Variants in MED13L observed in about 807,000 individuals in gnomAD.
MED13L encodes the protein mediator complex subunit 13L.
Under a neutral mutation model 220.9 loss-of-function variants are expected in MED13L, and 7 were observed. The ratio of observed to expected loss-of-function variants is 0.03; its 90% confidence interval spans 0.02 to 0.06. The LOEUF (loss-of-function observed/expected upper bound fraction) is 0.06. Ranked by LOEUF, MED13L falls within the 10% of genes least tolerant of loss-of-function variation. The pLI is 1.00. For missense variants in MED13L, 1,965 were observed against 2,760.5 expected (o/e 0.71, Z 6.46); for synonymous variants, 1,011 against 1,015.2 (o/e 1.00, Z 0.08).
chr12:116,258,539 G>A (rs972038889), intron 1 of MED13L, among the ~76,000 whole-genome samples: 3 of 152,142 alleles, frequency 2.0e-5, no homozygotes, highest in Non-Finnish European at 2.9e-5. Context: ...CACTTTGGGA[G>A]GCCGAGGTGG....
At chr12:116,183,674 A>C (rs555165164) in intron 2 of MED13L, among the ~76,000 whole-genome samples, 39 of 152,274 alleles carry the variant, frequency 2.6e-4, no homozygotes, top group African/African-American at 8.7e-4. Flanking sequence ...CATGCTCACA[A>C]TATCTGTTTA....
chr12:116,216,953 A>G (rs1230322176), intron 2 of MED13L, among the ~76,000 whole-genome samples: 1 of 152,264 alleles, frequency 6.6e-6, no homozygotes, highest in Non-Finnish European at 1.5e-5. Context: ...CAGAAAACTT[A>G]AAGCAAAAAT....
chr12:116,115,059 G>T (rs1183931383), intron 2 of MED13L, among the ~76,000 whole-genome samples: 3 of 152,118 alleles, frequency 2.0e-5, no homozygotes, highest in African/African-American at 4.8e-5. Flanking sequence ...TAGCTGAGCT[G>T]AGTCTATATA....
chr12:116,098,100 G>T (rs1872761697), intron 3 of MED13L, among the ~76,000 whole-genome samples: 1 of 152,036 alleles, frequency 6.6e-6, no homozygotes, highest in African/African-American at 2.4e-5. Context: ...CAAAAAATTA[G>T]CTGGGCGTGG....
In MED13L at chr12:116,277,253, G is replaced by C. The variant is rs1021741651; in HGVS notation, c.-122C>G. On this transcript the variant is annotated 5_prime_UTR_variant, in exon 1 of 31. Transcript: ENST00000281928. ...GGGCGGCCGGGCCGCCGCCGCCGCCGGGGGAGGGCGCGAGGGCCGGCGGGC... is the reference window on the plus strand; with the variant it reads ...GGGCGGCCGGGCCGCCGCCGCCGCCCGGGGAGGGCGCGAGGGCCGGCGGGC... 6.3e-6 allele frequency: 2 copies of C among 316,786 alleles called. No individual in the cohort carries two copies. Among genetic ancestry groups the C allele is most frequent in the Non-Finnish European group, 9.0e-6 (2 of 222,448 alleles). The allele number at this position is 316,786 out of a possible 1,614,324, so 19.6% of individuals were successfully genotyped here. A position where few individuals can be genotyped will look rare whatever the true frequency, so the allele number is the denominator to read the frequency against.
chr12:116,136,522 TA>T (rs1294413628), intron 2 of MED13L, among the ~76,000 whole-genome samples: 1 of 152,160 alleles, frequency 6.6e-6, no homozygotes, highest in African/African-American at 2.4e-5. Flanking sequence ...TAAGTTATGC[TA>T]AAGTTTTACA....
intron 1 of MED13L, among the ~76,000 whole-genome samples, chr12:116,271,490 A>G (rs2138593568): frequency 6.6e-6 from 1 of 151,926 alleles, no homozygotes; most frequent in East Asian, 1.9e-4. Context: ...GCTACTCGGG[A>G]GGCTGAGGCA....
At chr12:116,196,556 C>T (rs1881639001) in intron 2 of MED13L, among the ~76,000 whole-genome samples, 1 of 152,140 alleles carries the variant, frequency 6.6e-6, no homozygotes, top group South Asian at 2.1e-4. Flanking sequence ...TAGTAGATTA[C>T]AGAATTGAGT....
In MED13L at chr12:116,277,224, C is replaced by G. The variant is rs1873944275; in HGVS notation, c.-93G>C. ...CGGGCGGCGGCGCCTCGCCGGGGAG[C>G]GCGGGGCGGCCGGGCCGCCGCCGCC... On this transcript the variant is annotated 5_prime_UTR_variant, in exon 1 of 31. Transcript: ENST00000281928. The G allele has an allele frequency of 1.5e-6, 1 of 665,262 alleles. No individual in the cohort carries two copies. The highest frequency in any genetic ancestry group is 2.4e-5 in the African/African-American group (1 of 42,182). The allele number at this position is 665,262 out of a possible 1,614,324, so 41.2% of individuals were successfully genotyped here. A position where few individuals can be genotyped will look rare whatever the true frequency, so the allele number is the denominator to read the frequency against.
At chr12:116,128,208 G>A (rs748811653) in intron 2 of MED13L, among the ~76,000 whole-genome samples, 1 of 152,194 alleles carries the variant, frequency 6.6e-6, no homozygotes, top group African/African-American at 2.4e-5. Flanking sequence ...ATCCTTGTGT[G>A]CTTACTATAC....
intron 28 of MED13L, among the ~76,000 whole-genome samples, chr12:115,968,180 T>G (rs1463172115): frequency 6.6e-6 from 1 of 151,748 alleles, no homozygotes; most frequent in African/African-American, 2.4e-5. Context: ...TTCAAAGTCT[T>G]AACTCCCCAG....
At chr12:116,192,006 T>C (rs1490515975) in intron 2 of MED13L, among the ~76,000 whole-genome samples, 1 of 152,240 alleles carries the variant, frequency 6.6e-6, no homozygotes, top group Non-Finnish European at 1.5e-5. Flanking sequence ...CAATAGAATG[T>C]AGTTAAAATG....
At chr12:116,226,485 A>C (rs910647326) in intron 2 of MED13L, among the ~76,000 whole-genome samples, 1 of 152,232 alleles carries the variant, frequency 6.6e-6, no homozygotes, top group African/African-American at 2.4e-5. Flanking sequence ...AATGATATTC[A>C]ATGAGAATCT....
intron 2 of MED13L, among the ~76,000 whole-genome samples, chr12:116,146,638 G>C (rs117846060): frequency 0.021 from 3,121 of 152,002 alleles, 58 homozygotes; most frequent in Middle Eastern, 0.051. Context: ...ACGAAGGCAG[G>C]GGGGACTGCT....
At chr12:116,272,232 G>A (rs1873428160) in intron 1 of MED13L, among the ~76,000 whole-genome samples, 1 of 152,078 alleles carries the variant, frequency 6.6e-6, no homozygotes, top group South Asian at 2.1e-4. Context: ...GTACAAACTG[G>A]TGAGAGAGAT....
At chr12:115,983,986 T>C (rs1333130180) in intron 20 of MED13L, among the ~76,000 whole-genome samples, 194 bp downstream of exon 20, 1 of 152,198 alleles carries the variant, frequency 6.6e-6, no homozygotes, top group Non-Finnish European at 1.5e-5. Context: ...TTAGGCAACT[T>C]TGAATAGTTT....
chr12:115,963,391 C>T lies in MED13L; in HGVS notation c.6500+16G>A. On this transcript the variant is annotated intron_variant, in intron 30 of 30. Coordinates refer to ENST00000281928, the MANE Select transcript of MED13L (RefSeq NM_015335.5). ...GTTTCAAATTGCACTGCTATGATGCCTAGGTTGGTATCTACCTTAAAACAT... is the reference window on the plus strand; with the variant it reads ...GTTTCAAATTGCACTGCTATGATGCTTAGGTTGGTATCTACCTTAAAACAT... 1.3e-6 allele frequency: 2 copies of T among 1,550,254 alleles called. No individual in the cohort carries two copies. Among genetic ancestry groups the T allele is most frequent in the South Asian group, 2.2e-5 (2 of 89,758 alleles).
chr12:116,108,987 C>A (rs538198794), intron 3 of MED13L, among the ~76,000 whole-genome samples: 37 of 151,568 alleles, frequency 2.4e-4, no homozygotes, highest in Non-Finnish European at 4.3e-4. Flanking sequence ...AGTAACAGAC[C>A]CTGAAATGAA....
chr12:116,091,784 C>T (rs955972285), intron 4 of MED13L, among the ~76,000 whole-genome samples: 1 of 152,234 alleles, frequency 6.6e-6, no homozygotes, highest in Admixed American at 6.5e-5. Flanking sequence ...ACATGTTTTA[C>T]ATGCCTCTAT....
Sources: allele counts gnomAD v4.1 joint callset (sites outside exome capture counted in the v4.1 genomes callset), GRCh38; gene constraint gnomAD v4.1.1; transcripts MANE v1.5; gene names NCBI Gene and HGNC (gene_info 2026-07-23, HGNC 2026-07-21).